The following MDGA2 variants were observed in gnomAD, a reference collection of about 807,000 sequenced individuals.
MDGA2 encodes MAM domain-containing glycosylphosphatidylinositol anchor protein 2.
MDGA2 carries 40 observed loss-of-function variants against 117.8 expected under a neutral mutation model. That is an observed-to-expected ratio of 0.34 (90% CI 0.26 to 0.44). The LOEUF (loss-of-function observed/expected upper bound fraction) is 0.44. Among genes scored for constraint, MDGA2 ranks in the 20% least tolerant of loss-of-function variants. MDGA2 has a pLI of 1.00. For synonymous variants in MDGA2, 452 were observed against 439.0 expected, an observed-to-expected ratio of 1.03 and a Z score of -0.37; for missense variants, 1,123 against 1,250.6, an observed-to-expected ratio of 0.90 and a Z score of 1.54.
chr14:47,633,844 G>A (rs972055524), intron 1 of MDGA2, among the ~76,000 whole-genome samples: 4 of 152,086 alleles, frequency 2.6e-5, no homozygotes, highest in African/African-American at 9.7e-5. Context: ...CTTCCTGTAG[G>A]TTAGCTAAAG....
intron 8 of MDGA2, among the ~76,000 whole-genome samples, chr14:47,015,060 A>T (rs1044820434): frequency 5.9e-5 from 9 of 152,158 alleles, no homozygotes; most frequent in Admixed American, 5.2e-4. Flanking sequence ...GTTGTGTCTC[A>T]GTGAATAGGG....
intron 1 of MDGA2, among the ~76,000 whole-genome samples, chr14:47,566,142 C>T (rs1291016848): frequency 6.6e-6 from 1 of 152,144 alleles, no homozygotes; most frequent in East Asian, 1.9e-4. Context: ...GAGTGTGTGC[C>T]AGTGAAGTAA....
At chr14:47,106,070 C>T (rs1481013115) in intron 5 of MDGA2, among the ~76,000 whole-genome samples, 1 of 152,078 alleles carries the variant, frequency 6.6e-6, no homozygotes, top group East Asian at 1.9e-4. Context: ...TTTCTTTATC[C>T]CAAATCGGAT....
chr14:47,054,133 T>G (rs1220359824), intron 7 of MDGA2, among the ~76,000 whole-genome samples: 2 of 151,960 alleles, frequency 1.3e-5, no homozygotes, highest in African/African-American at 4.8e-5. Flanking sequence ...TATCTATCTG[T>G]CCAACTGAAT....
At chr14:47,500,212 A>T (rs557406480) in intron 1 of MDGA2, among the ~76,000 whole-genome samples, 1 of 152,114 alleles carries the variant, frequency 6.6e-6, no homozygotes. Flanking sequence ...TGGATATTTT[A>T]AAAGTCTTTC....
chr14:47,534,772 A>G (rs1566502920), intron 1 of MDGA2, among the ~76,000 whole-genome samples: 1 of 152,222 alleles, frequency 6.6e-6, no homozygotes, highest in African/African-American at 2.4e-5. Context: ...TGCGGCACCA[A>G]TAGCAGAAAA....
intron 1 of MDGA2, among the ~76,000 whole-genome samples, chr14:47,443,416 A>G (rs1038819053): frequency 5.3e-5 from 8 of 152,128 alleles, no homozygotes; most frequent in African/African-American, 7.2e-5. Flanking sequence ...GATATGGAGA[A>G]CTACTATATG....
At chr14:47,347,303 G>A (rs1890782018) in intron 1 of MDGA2, among the ~76,000 whole-genome samples, 1 of 152,168 alleles carries the variant, frequency 6.6e-6, no homozygotes, top group Non-Finnish European at 1.5e-5. Flanking sequence ...GTACCTTGAG[G>A]AGACTGAGGC....
At chr14:47,531,170 A>G (rs1362046237) in intron 1 of MDGA2, among the ~76,000 whole-genome samples, 2 of 152,118 alleles carry the variant, frequency 1.3e-5, no homozygotes, top group African/African-American at 4.8e-5. Flanking sequence ...GCGTGAACCC[A>G]GGAGGCAGAG....
chr14:47,176,982 G>C (rs1428035413), intron 3 of MDGA2, among the ~76,000 whole-genome samples: 1 of 152,058 alleles, frequency 6.6e-6, no homozygotes, highest in Non-Finnish European at 1.5e-5. Context: ...CCATCAAAAA[G>C]TGGGCGAAGG....
chr14:47,140,235 C>T (rs1203847470), intron 4 of MDGA2, among the ~76,000 whole-genome samples: 1 of 151,980 alleles, frequency 6.6e-6, no homozygotes, highest in African/African-American at 2.4e-5. Context: ...GAAGAATTAA[C>T]ATTGTTAAAA....
At chr14:46,953,715 G>A (rs1885453660) in intron 9 of MDGA2, among the ~76,000 whole-genome samples, 1 of 151,894 alleles carries the variant, frequency 6.6e-6, no homozygotes, top group Non-Finnish European at 1.5e-5. Context: ...GTCTGTTAAA[G>A]TAAAGAAATA....
intron 1 of MDGA2, among the ~76,000 whole-genome samples, chr14:47,351,769 G>T (rs1890887288): frequency 6.6e-6 from 1 of 152,070 alleles, no homozygotes; most frequent in Non-Finnish European, 1.5e-5. Flanking sequence ...TTTCACAGAT[G>T]ATTTCAGTGA....
At chr14:47,279,858 A>T (rs1888419796) in intron 2 of MDGA2, among the ~76,000 whole-genome samples, 1 of 152,112 alleles carries the variant, frequency 6.6e-6, no homozygotes, top group Non-Finnish European at 1.5e-5. Context: ...CCTGGTATTT[A>T]ACTGCTCACA....
At chr14:46,872,942 C>T (rs1882070628) in intron 14 of MDGA2, among the ~76,000 whole-genome samples, 1 of 151,742 alleles carries the variant, frequency 6.6e-6, no homozygotes. Flanking sequence ...CTGTGCAGGA[C>T]CTAGAATGTT....
intron 2 of MDGA2, among the ~76,000 whole-genome samples, chr14:47,285,325 A>G (rs1888634879): frequency 6.6e-6 from 1 of 151,416 alleles, no homozygotes; most frequent in Non-Finnish European, 1.5e-5. Context: ...ATTTTCTACT[A>G]AATTGATTTT....
intron 4 of MDGA2, among the ~76,000 whole-genome samples, chr14:47,138,039 T>C (rs1320833698): frequency 6.6e-6 from 1 of 152,168 alleles, no homozygotes; most frequent in Non-Finnish European, 1.5e-5. Flanking sequence ...CTTACCTTCT[T>C]AATTCATGAC....
At chr14:47,263,136 G>A (rs1340129577) in intron 2 of MDGA2, among the ~76,000 whole-genome samples, 1 of 152,008 alleles carries the variant, frequency 6.6e-6, no homozygotes, top group African/African-American at 2.4e-5. Context: ...GTGACATCCG[G>A]CTTCTAAGAT....
chr14:47,043,023 T>G (rs1594559263), intron 7 of MDGA2, among the ~76,000 whole-genome samples: 1 of 152,234 alleles, frequency 6.6e-6, no homozygotes, highest in African/African-American at 2.4e-5. Context: ...AAGGCAAATT[T>G]GAGAATTTCA....
Sources: allele counts gnomAD v4.1 joint callset (sites outside exome capture counted in the v4.1 genomes callset), GRCh38; gene constraint gnomAD v4.1.1; transcripts MANE v1.5; gene names NCBI Gene and HGNC (gene_info 2026-07-23, HGNC 2026-07-21).